TFAP2B: variants seen among roughly 807,000 people sequenced by gnomAD.
TFAP2B encodes the protein transcription factor AP-2-beta.
TFAP2B carries 9 observed loss-of-function variants against 44.3 expected under a neutral mutation model. The ratio of observed to expected loss-of-function variants is 0.20; its 90% CI spans 0.12 to 0.35. The LOEUF is 0.35. TFAP2B is among the 10% of genes least tolerant of loss of function. The pLI is 1.00. For synonymous variants in TFAP2B, 270 were observed against 263.8 expected (o/e 1.02, Z -0.23); for missense variants, 509 against 600.0 (o/e 0.85, Z 1.59).
At chr6:50,822,298 AT>A in intron 1 of TFAP2B, 1 of 645,832 alleles carries the variant, frequency 1.5e-6, no homozygotes, top group Non-Finnish European at 2.4e-6. Flanking sequence ...TGGCTTGGTA[AT>A]TTAGCACCAT....
At chr6:50,823,059 G>A (rs573930577) in intron 1 of TFAP2B, among the ~76,000 whole-genome samples, 69 of 152,294 alleles carry the variant, frequency 4.5e-4, no homozygotes, top group Non-Finnish European at 4.9e-4. Flanking sequence ...AAGGCATTTA[G>A]AATCTCCCTC....
Position 50,823,570 on chromosome 6 carries a change from G to T in TFAP2B, c.245G>T (p.Ser82Ile). The T allele has an allele frequency of 6.2e-7, 1 of 1,613,700 alleles. No homozygotes were observed. The highest frequency in any genetic ancestry group is 8.5e-7 in the Non-Finnish European group (1 of 1,179,930). Residue 82 changes from serine (S) to isoleucine (I), a missense_variant, in exon 2 of 7, where the codon AGC becomes ATC. By Grantham distance (142) the Ser-to-Ile change is moderately radical. Transcript: ENST00000393655. ...TACCAGCCGCTCCCCTACCACCAGA[G>T]CCAGGACCCCTACTCCCACGTCAAC... Reference protein sequence around the residue: ...PPYQPLPYHQSQDPYSHVNDP... With the variant: ...PPYQPLPYHQIQDPYSHVNDP...
At chr6:50,833,029 C>T (rs1315236785) in intron 3 of TFAP2B, among the ~76,000 whole-genome samples, 1 of 152,174 alleles carries the variant, frequency 6.6e-6, no homozygotes, top group Admixed American at 6.5e-5. Flanking sequence ...GAAAAAAATA[C>T]TTCTAATGTA....
In TFAP2B at chr6:50,823,724, G is replaced by T. The variant is rs1273289453; in HGVS notation, c.399G>T (p.Ser133=). The T allele has an allele frequency of 6.2e-7, 1 of 1,612,186 alleles. No individual in the cohort carries two copies. Among genetic ancestry groups the T allele is most frequent in the Non-Finnish European group, 8.5e-7 (1 of 1,179,276 alleles). Residue 133 remains serine, a synonymous_variant, in exon 2 of 7, where the codon TCG becomes TCT. Transcript: ENST00000393655. ...PQPRAALPQL[S]GLDPRRDYHS... ...CTCGGGCCGCCTTGCCCCAGCTCTC[G>T]GGCCTTGACCCCCGGAGGGACTACC...
At chr6:50,818,357 T>TCTCTTC (rs1426085043), upstream of TFAP2B, among the ~76,000 whole-genome samples, 2 of 152,084 alleles carry the variant, frequency 1.3e-5, no homozygotes, top group Non-Finnish European at 2.9e-5. Context: ...TTCAAAATAC[T>TCTCTTC]CTCTTCCGGA....
At position 50,846,729 on chromosome 6, in the gene TFAP2B, T is replaced by C. The variant is rs1389075493; in HGVS notation, c.*3337T>C. On this transcript the variant is annotated 3_prime_UTR_variant, in exon 7 of 7. Coordinates refer to ENST00000393655, the MANE Select transcript of TFAP2B (RefSeq NM_003221.4). ...GGATTCCGTCACCTAAAAAGATCTT[T>C]AACTTCTCCCCCAAAGTGGGAAGGT... The C allele has an allele frequency of 6.6e-6, 1 of 152,304 alleles. No homozygotes were observed. The highest frequency in any genetic ancestry group is 1.5e-5 in the Non-Finnish European group (1 of 68,062). The allele number at this position is 152,304 out of a possible 1,614,324, so 9.4% of individuals were successfully genotyped here.
Position 50,843,479 on chromosome 6 carries a change from T to C in TFAP2B, c.*87T>C. 1 of 1,384,392 alleles carries C rather than the reference T, an allele frequency of 7.2e-7. No individual in the cohort carries two copies. Among genetic ancestry groups the C allele is most frequent in the Non-Finnish European group, 9.9e-7 (1 of 1,009,362 alleles). The allele number at this position is 1,384,392 out of a possible 1,614,324, so 85.8% of individuals were successfully genotyped here. A position where few individuals can be genotyped will look rare whatever the true frequency, so the allele number is the denominator to read the frequency against. On this transcript the variant is annotated 3_prime_UTR_variant, in exon 7 of 7. Transcript: ENST00000393655. ...TAATTTTAGCTTTAAAATATTGGAT[T>C]GGCTTTGGAAGAATTATATTAGGTA...
At chr6:50,840,534 A>G (rs1446170192) in intron 6 of TFAP2B, among the ~76,000 whole-genome samples, 3 of 152,134 alleles carry the variant, frequency 2.0e-5, no homozygotes, top group East Asian at 3.9e-4. Flanking sequence ...ATTCTCTTCT[A>G]TCACTCTGGG....
intron 3 of TFAP2B, among the ~76,000 whole-genome samples, chr6:50,829,185 C>T (rs1770607274): frequency 6.6e-6 from 1 of 151,970 alleles, no homozygotes; most frequent in Non-Finnish European, 1.5e-5. Context: ...AAATTTGTTG[C>T]TAAATATGCG....
In TFAP2B at chr6:50,843,859, C is replaced by T. The variant is rs1329128689; in HGVS notation, c.*467C>T. 3 of 164,940 alleles carry T rather than the reference C, an allele frequency of 1.8e-5. No homozygotes were observed. Among genetic ancestry groups the T allele is most frequent in the African/African-American group, 7.2e-5 (3 of 41,510 alleles). The allele number at this position is 164,940 out of a possible 1,614,324, so 10.2% of individuals were successfully genotyped here. Reference sequence around the variant, plus strand: ...TTTTAGGAAACTCTCGCAGTCCCCGCCCTCCATCTCACCTCACCCGTCTCC... The same window carrying T: ...TTTTAGGAAACTCTCGCAGTCCCCGTCCTCCATCTCACCTCACCCGTCTCC... On this transcript the variant is annotated 3_prime_UTR_variant, in exon 7 of 7. Coordinates refer to ENST00000393655, the MANE Select transcript of TFAP2B (RefSeq NM_003221.4).
chr6:50,836,792 A>G (rs1762632813), intron 4 of TFAP2B, among the ~76,000 whole-genome samples: 1 of 152,170 alleles, frequency 6.6e-6, no homozygotes, highest in Non-Finnish European at 1.5e-5. Flanking sequence ...CTGCTGATGC[A>G]CTGTAACCCA....
chr6:50,829,059 TA>T (rs1480757198), intron 3 of TFAP2B, among the ~76,000 whole-genome samples: 1 of 152,240 alleles, frequency 6.6e-6, no homozygotes, highest in Non-Finnish European at 1.5e-5. Context: ...AGTTAAAGCT[TA>T]TGTTATTGAG....
intron 1 of TFAP2B, 24 bp downstream of exon 1, chr6:50,818,996 C>T (rs757855620): frequency 6.2e-7 from 1 of 1,602,212 alleles, no homozygotes; most frequent in Non-Finnish European, 8.6e-7. Flanking sequence ...CCCAGATGCA[C>T]CTTAGAGCTT....
chr6:50,843,188 C>G lies in TFAP2B; in HGVS notation c.1179C>G (p.Ser393Arg). The part of the protein sequence containing the change: ...PSPILEPGIQ[S>R]CLTHFSLITH... ...CCATCCTGGAGCCGGGGATCCAGAGCTGCCTCACGCACTTCAGCCTCATCA... is the reference window on the plus strand; with the variant it reads ...CCATCCTGGAGCCGGGGATCCAGAGGTGCCTCACGCACTTCAGCCTCATCA... Residue 393 changes from serine to arginine, a missense_variant, in exon 7 of 7, where the codon AGC becomes AGG. Ser to Arg is a moderately radical substitution (Grantham distance 110). Transcript: ENST00000393655. The G allele has an allele frequency of 6.2e-7, 1 of 1,614,244 alleles. No homozygotes were observed. Among genetic ancestry groups the G allele is most frequent in the Non-Finnish European group, 8.5e-7 (1 of 1,180,038 alleles).
intron 2 of TFAP2B, among the ~76,000 whole-genome samples, chr6:50,827,573 A>T (rs1379641404): frequency 6.6e-6 from 1 of 152,206 alleles, no homozygotes; most frequent in Non-Finnish European, 1.5e-5. Context: ...CTGTGAAAAC[A>T]GCTCCTCACT....
intron 6 of TFAP2B, among the ~76,000 whole-genome samples, 169 bp from the exon 7 acceptor site, chr6:50,842,923 A>T (rs924993654): frequency 2.0e-5 from 3 of 152,170 alleles, no homozygotes; most frequent in Admixed American, 6.5e-5. Context: ...TTTCAGTCCC[A>T]GCTGCTCGAG....
intron 3 of TFAP2B, among the ~76,000 whole-genome samples, chr6:50,829,487 G>A (rs1770615289): frequency 6.6e-6 from 1 of 152,192 alleles, no homozygotes; most frequent in Non-Finnish European, 1.5e-5. Context: ...AGGCCTGAAT[G>A]TCACTCAAAT....
chr6:50,822,179 G>A (rs1561957550), intron 1 of TFAP2B: 1 of 1,303,244 alleles, frequency 7.7e-7, no homozygotes, highest in Admixed American at 2.3e-5. Flanking sequence ...GGATTCACGT[G>A]TTACCAGAAT....
chr6:50,840,505 C>A (rs1462606677), intron 6 of TFAP2B, among the ~76,000 whole-genome samples: 2 of 152,162 alleles, frequency 1.3e-5, no homozygotes, highest in African/African-American at 4.8e-5. Flanking sequence ...TTTGTTAATC[C>A]GAATCCAGCC....
Sources: gnomAD v4.1 joint callset for allele counts (sites outside exome capture counted in the v4.1 genomes callset) on GRCh38, gnomAD v4.1.1 for gene constraint, MANE v1.5 for transcripts, NCBI Gene and HGNC (gene_info 2026-07-23, HGNC 2026-07-21) for gene names.